MYO16: variants seen among roughly 807,000 people sequenced by gnomAD.
MYO16 encodes unconventional myosin-XVI.
In MYO16, 94 loss-of-function variants were observed where a neutral mutation model predicts 205.3. The observed-to-expected ratio is 0.46, with a 90% CI of 0.39 to 0.54. The LOEUF (loss-of-function observed/expected upper bound fraction) is 0.54. Among genes scored for constraint, MYO16 ranks in the 20% least tolerant of loss-of-function variants. The pLI is 0.00. For synonymous variants in MYO16, 988 were observed against 954.0 expected, an observed-to-expected ratio of 1.04 and a Z score of -0.66; for missense variants, 2,315 against 2,387.5, an observed-to-expected ratio of 0.97 and a Z score of 0.63.
At chr13:109,002,423 C>T (rs571013637) in intron 21 of MYO16, among the ~76,000 whole-genome samples, 13 of 152,226 alleles carry the variant, frequency 8.5e-5, no homozygotes, top group South Asian at 4.1e-4. Flanking sequence ...AATAAGTTTC[C>T]GTTCCTAAAG....
chr13:108,538,482 G>T, the MYO16 span, among the ~76,000 whole-genome samples: 10,337 of 152,090 alleles, frequency 0.068, 621 homozygotes, highest in African/African-American at 0.16. Flanking sequence ...ATCAAATCCA[G>T]AACACAGTGG....
chr13:108,961,295 ACT>A (rs150772922), intron 17 of MYO16, among the ~76,000 whole-genome samples: 12 of 152,028 alleles, frequency 7.9e-5, no homozygotes, highest in Non-Finnish European at 1.2e-4. Context: ...TTATTTCCTG[ACT>A]CTCTTATATT....
At chr13:108,562,343 A>G in the MYO16 span, among the ~76,000 whole-genome samples, 1 of 152,148 alleles carries the variant, frequency 6.6e-6, no homozygotes, top group African/African-American at 2.4e-5. Flanking sequence ...TGGGGTTAGT[A>G]TTTCAACATA....
intron 32 of MYO16, among the ~76,000 whole-genome samples, chr13:109,149,394 A>C (rs1158605925): frequency 6.6e-6 from 1 of 152,132 alleles, no homozygotes; most frequent in Non-Finnish European, 1.5e-5. Context: ...CCTATTTATT[A>C]ATGAGCAATC....
the MYO16 span, among the ~76,000 whole-genome samples, chr13:108,541,601 T>C: frequency 6.6e-6 from 1 of 152,076 alleles, no homozygotes; most frequent in Non-Finnish European, 1.5e-5. Flanking sequence ...TAAAAAGTTT[T>C]CATTATACTG....
chr13:108,823,055 T>C, intron 8 of MYO16, 70 bp from the exon 9 acceptor site: 1 of 1,382,298 alleles, frequency 7.2e-7, no homozygotes, highest in Non-Finnish European at 9.8e-7. Context: ...TCGGAATTAT[T>C]GAAAGTAAAT....
the MYO16 span, among the ~76,000 whole-genome samples, chr13:108,510,468 T>TTG: frequency 1.6e-5 from 1 of 62,782 alleles, no homozygotes; most frequent in Non-Finnish European, 3.9e-5. Flanking sequence ...GCTGTTTTTT[T>TTG]TTTTTTTTTT....
intron 33 of MYO16, among the ~76,000 whole-genome samples, chr13:109,177,405 A>AT (rs1879251716): frequency 6.6e-6 from 1 of 152,124 alleles, no homozygotes; most frequent in South Asian, 2.1e-4. Flanking sequence ...AATTGACTCT[A>AT]TGCAGTGCTC....
chr13:108,944,694 A>G (rs1195815581), intron 16 of MYO16, among the ~76,000 whole-genome samples: 6 of 152,202 alleles, frequency 3.9e-5, no homozygotes, highest in African/African-American at 1.4e-4. Flanking sequence ...ACAATATCAT[A>G]ATTCCATTTC....
At chr13:108,916,719 T>C (rs959470949) in intron 16 of MYO16, among the ~76,000 whole-genome samples, 1 of 152,220 alleles carries the variant, frequency 6.6e-6, no homozygotes, top group African/African-American at 2.4e-5. Context: ...CATTTCACTT[T>C]GAAATGAGAA....
chr13:108,699,612 T>C (rs1883223272), intron 2 of MYO16, among the ~76,000 whole-genome samples: 1 of 152,194 alleles, frequency 6.6e-6, no homozygotes, highest in Admixed American at 6.5e-5. Flanking sequence ...ATACTGTCAC[T>C]TTACATCTGT....
At chr13:108,991,903 T>A (rs931656691) in intron 20 of MYO16, among the ~76,000 whole-genome samples, 10 of 152,226 alleles carry the variant, frequency 6.6e-5, no homozygotes, top group Admixed American at 5.2e-4. Context: ...AATTTGGTTT[T>A]TGGTTTTTTT....
chr13:109,190,430 T>G (rs1287455739), intron 34 of MYO16, among the ~76,000 whole-genome samples: 1 of 152,214 alleles, frequency 6.6e-6, no homozygotes, highest in Non-Finnish European at 1.5e-5. Context: ...TGTGTGTATG[T>G]GCACCTTGAT....
chr13:108,580,337 C>T, the MYO16 span, among the ~76,000 whole-genome samples: 7 of 152,180 alleles, frequency 4.6e-5, no homozygotes, highest in South Asian at 4.1e-4. Flanking sequence ...GATACATGTG[C>T]GACAATTTGA....
rs557092038 is a variant in MYO16 at position 108,972,854 on chromosome 13, CTTT to C, written c.2369+7957_2369+7959del. Among the ~76,000 whole-genome samples, 1,506 of 151,592 alleles carry C rather than the reference CTTT, an allele frequency of 9.9e-3. 18 individuals carry two copies. Among genetic ancestry groups the C allele is most frequent in the African/African-American group, 0.035 (1,427 of 41,332 alleles). ...ACGGTAGGGATTTTTTGTGGGTTTTCTTTTTTTGTTTTTTGGTTTTTTTCTTTT... is the reference window on the plus strand; with the variant it reads ...ACGGTAGGGATTTTTTGTGGGTTTTCTTTTGTTTTTTGGTTTTTTTCTTTT... On this transcript the variant is annotated intron_variant, in intron 20 of 34. Transcript: ENST00000457511.
intron 16 of MYO16, among the ~76,000 whole-genome samples, chr13:108,937,819 C>T (rs1425896943): frequency 6.6e-6 from 1 of 151,964 alleles, no homozygotes; most frequent in East Asian, 1.9e-4. Flanking sequence ...GATTTTCAAC[C>T]TTGTCTTGGA....
chr13:109,075,610 G>A (rs113879921), intron 27 of MYO16, among the ~76,000 whole-genome samples: 1,822 of 152,000 alleles, frequency 0.012, 22 homozygotes, highest in South Asian at 0.034. Context: ...TCCTGACCTC[G>A]TGATCTGCCT....
chr13:108,664,175 A>G (rs1881624285), intron 1 of MYO16, among the ~76,000 whole-genome samples: 1 of 152,234 alleles, frequency 6.6e-6, no homozygotes, highest in Non-Finnish European at 1.5e-5. Flanking sequence ...ACTTATGAAG[A>G]GTCTTATGAA....
At chr13:108,617,692 T>C (rs1773693031) in intron 1 of MYO16, among the ~76,000 whole-genome samples, 1 of 152,108 alleles carries the variant, frequency 6.6e-6, no homozygotes, top group Admixed American at 6.6e-5. Context: ...CCATGTTCAG[T>C]CCATCTTGTG....
Sources: allele counts gnomAD v4.1 joint callset (sites outside exome capture counted in the v4.1 genomes callset), GRCh38; gene constraint gnomAD v4.1.1; transcripts MANE v1.5; gene names NCBI Gene and HGNC (gene_info 2026-07-23, HGNC 2026-07-21).